The following GPC5 variants were observed in gnomAD, a reference collection of about 807,000 sequenced individuals.
The protein encoded by GPC5 is glypican 5.
A neutral mutation model predicts 53.9 loss-of-function variants in GPC5; 47 were observed. The observed-to-expected ratio is 0.87, with a 90% CI of 0.69 to 1.11. The LOEUF (loss-of-function observed/expected upper bound fraction) is 1.11. Among genes scored for constraint, GPC5 ranks in the 50% most tolerant of loss-of-function variants. GPC5 has a pLI of 0.00. For synonymous variants in GPC5, 286 were observed against 263.3 expected, an observed-to-expected ratio of 1.09 and a Z score of -0.84; for missense variants, 748 against 713.1, an observed-to-expected ratio of 1.05 and a Z score of -0.56.
intron 2 of GPC5, among the ~76,000 whole-genome samples, chr13:91,640,233 T>G (rs1231590752): frequency 6.6e-6 from 1 of 150,702 alleles, no homozygotes; most frequent in African/African-American, 2.4e-5. Context: ...TTTTGCTCTC[T>G]ATCTATCTGA....
At chr13:92,244,803 G>A (rs1388510307) in intron 7 of GPC5, among the ~76,000 whole-genome samples, 1 of 152,020 alleles carries the variant, frequency 6.6e-6, no homozygotes, top group Admixed American at 6.6e-5. Context: ...AGTTTGGGAG[G>A]CCGAGGTGGG....
At chr13:91,641,806 C>T (rs1365452564) in intron 2 of GPC5, among the ~76,000 whole-genome samples, 1 of 152,074 alleles carries the variant, frequency 6.6e-6, no homozygotes, top group East Asian at 1.9e-4. Context: ...AAGGAGTCAT[C>T]CTGGAAGCTA....
At chr13:92,799,690 G>A (rs1173574143) in intron 7 of GPC5, among the ~76,000 whole-genome samples, 1 of 151,684 alleles carries the variant, frequency 6.6e-6, no homozygotes, top group Non-Finnish European at 1.5e-5. Flanking sequence ...ACCAATGCCT[G>A]GGTTTGACTG....
chr13:92,675,101 A>T (rs979720645), intron 7 of GPC5, among the ~76,000 whole-genome samples: 8 of 152,130 alleles, frequency 5.3e-5, no homozygotes, highest in Admixed American at 4.6e-4. Flanking sequence ...CTAGTACAAA[A>T]TATTGATGAC....
intron 2 of GPC5, among the ~76,000 whole-genome samples, chr13:91,485,262 G>T (rs544745090): frequency 4.0e-5 from 6 of 150,510 alleles, no homozygotes; most frequent in Non-Finnish European, 8.8e-5. Flanking sequence ...CCCCAGTCTG[G>T]AGTGCAATGG....
At chr13:91,824,146 A>G (rs2038538736) in intron 5 of GPC5, among the ~76,000 whole-genome samples, 1 of 152,074 alleles carries the variant, frequency 6.6e-6, no homozygotes, top group African/African-American at 2.4e-5. Context: ...ATTTCTCTCA[A>G]TGCATAAGAC....
intron 7 of GPC5, among the ~76,000 whole-genome samples, chr13:92,237,291 C>T (rs2139109790): frequency 6.6e-6 from 1 of 152,248 alleles, no homozygotes; most frequent in African/African-American, 2.4e-5. Context: ...GTAATCTCAG[C>T]TCACTGCAAC....
At position 92,441,968 on chromosome 13, in the gene GPC5, T is replaced by C. The variant is rs576320639; in HGVS notation, c.1561+296979T>C. On this transcript the variant is annotated intron_variant, in intron 7 of 7. Transcript: ENST00000377067. ...CCTAGAGGCAGTCAGGACCATATAC[T>C]TGGCTATGAAAAGTACTTGAATTTA... Among the ~76,000 whole-genome samples, 14 of 152,296 alleles carry C rather than the reference T, an allele frequency of 9.2e-5. No individual in the cohort carries two copies. The East Asian group carries it at 1.5e-3, about 17-fold the overall frequency.
intron 2 of GPC5, among the ~76,000 whole-genome samples, chr13:91,497,308 ATTT>A (rs10551030): frequency 6.7e-6 from 1 of 149,478 alleles, no homozygotes; most frequent in South Asian, 2.1e-4. Context: ...TGCTTCAGAT[ATTT>A]TTTTTTTTAA....
chr13:92,147,856 C>T (rs1167374318), intron 7 of GPC5, among the ~76,000 whole-genome samples: 3 of 151,946 alleles, frequency 2.0e-5, no homozygotes, highest in Non-Finnish European at 2.9e-5. Context: ...AGGAAAGGAG[C>T]GAAGTGTAGG....
intron 5 of GPC5, among the ~76,000 whole-genome samples, chr13:91,796,964 A>G (rs753467723): frequency 2.6e-5 from 4 of 152,046 alleles, no homozygotes; most frequent in African/African-American, 4.8e-5. Context: ...GTAAGTTTCA[A>G]TTTCATCTCA....
At chr13:91,734,736 T>A (rs1323602471) in intron 4 of GPC5, among the ~76,000 whole-genome samples, 4 of 151,470 alleles carry the variant, frequency 2.6e-5, no homozygotes, top group Admixed American at 1.3e-4. Context: ...TAAAGTGATG[T>A]TTCTTTTCAT....
At chr13:92,435,108 T>A (rs1452860193) in intron 7 of GPC5, among the ~76,000 whole-genome samples, 2 of 151,956 alleles carry the variant, frequency 1.3e-5, no homozygotes, top group Non-Finnish European at 2.9e-5. Flanking sequence ...AGAGACGGGG[T>A]TTCACCATGT....
At chr13:91,796,801 G>A (rs1033455860) in intron 5 of GPC5, among the ~76,000 whole-genome samples, 1 of 152,128 alleles carries the variant, frequency 6.6e-6, no homozygotes, top group African/African-American at 2.4e-5. Context: ...TTATTGGTCT[G>A]CTTCAGGTTT....
intron 7 of GPC5, among the ~76,000 whole-genome samples, chr13:92,597,107 A>G (rs527507627): frequency 2.0e-5 from 3 of 152,338 alleles, no homozygotes; most frequent in Non-Finnish European, 2.9e-5. Context: ...ACACTCTGTT[A>G]GGATCCTGCT....
At chr13:92,859,706 C>A (rs1002117401) in intron 7 of GPC5, among the ~76,000 whole-genome samples, 7 of 151,818 alleles carry the variant, frequency 4.6e-5, no homozygotes, top group African/African-American at 1.7e-4. Flanking sequence ...GCAAAAATGA[C>A]CTTTTAAATT....
chr13:91,696,943 C>T lies in GPC5; in HGVS notation c.1020+3062C>T, dbSNP rs182436888. On this transcript the variant is annotated intron_variant, in intron 3 of 7. Coordinates refer to ENST00000377067, the MANE Select transcript of GPC5 (RefSeq NM_004466.6). ...CATCTGTCTCTGCCTCTTACTAGCTCTGAGTTTACGCATTTGCTTATTTTA... is the reference window on the plus strand; with the variant it reads ...CATCTGTCTCTGCCTCTTACTAGCTTTGAGTTTACGCATTTGCTTATTTTA... Among the ~76,000 whole-genome samples, 187 of 152,276 alleles carry T rather than the reference C, an allele frequency of 1.2e-3. 1 individual carries two copies. Among genetic ancestry groups the T allele is most frequent in the African/African-American group, 4.1e-3 (170 of 41,552 alleles).
chr13:91,869,177 A>G (rs1008342323), intron 5 of GPC5, among the ~76,000 whole-genome samples: 1 of 152,094 alleles, frequency 6.6e-6, no homozygotes, highest in African/African-American at 2.4e-5. Context: ...CTCCTGCCTC[A>G]GCCTCCCAAG....
chr13:91,927,610 G>C (rs2039781370), intron 6 of GPC5, among the ~76,000 whole-genome samples: 2 of 152,120 alleles, frequency 1.3e-5, no homozygotes, highest in South Asian at 2.1e-4. Flanking sequence ...TTTGGAAATG[G>C]GTTAGTTCTA....
Sources: gnomAD v4.1 joint callset for allele counts (sites outside exome capture counted in the v4.1 genomes callset) on GRCh38, gnomAD v4.1.1 for gene constraint, MANE v1.5 for transcripts, NCBI Gene and HGNC (gene_info 2026-07-23, HGNC 2026-07-21) for gene names.